The following PARP8 variants were observed in gnomAD, a reference collection of about 807,000 sequenced individuals.
The protein encoded by PARP8 is protein mono-ADP-ribosyltransferase PARP8.
In PARP8, 51 loss-of-function variants were observed where a neutral mutation model predicts 124.1. The ratio of observed to expected loss-of-function variants is 0.41; its 90% confidence interval spans 0.33 to 0.52. The LOEUF (loss-of-function observed/expected upper bound fraction) is 0.52, where lower values mean the gene tolerates loss of function less well. Among genes scored for constraint, PARP8 ranks in the 20% least tolerant of loss-of-function variants. PARP8 has a pLI of 0.21. For missense variants in PARP8, 860 were observed against 1,018.9 expected, an observed-to-expected ratio of 0.84 and a Z score of 2.12; for synonymous variants, 391 against 361.5, an observed-to-expected ratio of 1.08 and a Z score of -0.93.
At chr5:50,731,042 G>A (rs1756928466) in intron 2 of PARP8, among the ~76,000 whole-genome samples, 1 of 152,200 alleles carries the variant, frequency 6.6e-6, no homozygotes, top group Non-Finnish European at 1.5e-5. Context: ...AGCAAAAAAG[G>A]TCAGTGCGAA....
chr5:50,763,827 A>G (rs1760796076), intron 7 of PARP8, among the ~76,000 whole-genome samples: 2 of 152,144 alleles, frequency 1.3e-5, no homozygotes, highest in Admixed American at 1.3e-4. Context: ...TGCCACCATA[A>G]TAGTTTCCAG....
chr5:50,692,478 T>C (rs1752594873), intron 2 of PARP8, among the ~76,000 whole-genome samples: 1 of 152,086 alleles, frequency 6.6e-6, no homozygotes, highest in South Asian at 2.1e-4. Context: ...TTTTATTCTT[T>C]AAAGGCAGAA....
chr5:50,710,605 C>T (rs560726723), intron 2 of PARP8, among the ~76,000 whole-genome samples: 1 of 152,136 alleles, frequency 6.6e-6, no homozygotes, highest in East Asian at 1.9e-4. Context: ...TTACTGGGTC[C>T]TGCTAATTCT....
chr5:50,746,672 T>A lies in PARP8; in HGVS notation c.147-3479T>A, dbSNP rs149949227. ...AAGGTGTTACCTCTGATATATATAT[T>A]TTTTTCTGTTTAAATCTTATTTGGC... On this transcript the variant is annotated intron_variant, in intron 2 of 25. Coordinates refer to ENST00000281631, the MANE Select transcript of PARP8 (RefSeq NM_024615.4). Among the ~76,000 whole-genome samples the A allele has an allele frequency of 8.1e-3, 1,230 of 152,254 alleles. 5 individuals are homozygous for A. The highest frequency in any genetic ancestry group is 0.013 in the Non-Finnish European group (907 of 68,004).
chr5:50,719,775 G>A (rs577995346), intron 2 of PARP8, among the ~76,000 whole-genome samples: 1 of 152,074 alleles, frequency 6.6e-6, no homozygotes, highest in East Asian at 1.9e-4. Context: ...TAGTTTAAAA[G>A]AATAAAGAGA....
intron 2 of PARP8, among the ~76,000 whole-genome samples, chr5:50,678,206 CTAAT>C (rs1327176281): frequency 1.1e-4 from 17 of 152,152 alleles, no homozygotes; most frequent in Non-Finnish European, 5.9e-5. Flanking sequence ...TCCCTGCCTA[CTAAT>C]TTTCAATCAC....
chr5:50,684,997 T>A (rs184289810), intron 2 of PARP8, among the ~76,000 whole-genome samples: 2 of 152,350 alleles, frequency 1.3e-5, no homozygotes, highest in East Asian at 3.9e-4. Context: ...ACTACTTCAC[T>A]GTAAAGCTCC....
chr5:50,794,808 T>C, intron 11 of PARP8, 45 bp from the exon 12 acceptor site: 1 of 1,509,084 alleles, frequency 6.6e-7, no homozygotes, highest in Non-Finnish European at 9.1e-7. Flanking sequence ...CATGGTCTGA[T>C]GTACCTGTGA....
chr5:50,806,964 C>A (rs1435550954), intron 14 of PARP8, among the ~76,000 whole-genome samples: 1 of 151,932 alleles, frequency 6.6e-6, no homozygotes, highest in African/African-American at 2.4e-5. Context: ...AAGTTATAGC[C>A]CACTGGTGAT....
intron 2 of PARP8, among the ~76,000 whole-genome samples, chr5:50,732,425 G>T (rs899957963): frequency 6.6e-6 from 1 of 151,952 alleles, no homozygotes; most frequent in Non-Finnish European, 1.5e-5. Context: ...TGCTAAAAAC[G>T]GTTCAAAGAA....
chr5:50,784,600 T>C (rs1741034145), intron 9 of PARP8, among the ~76,000 whole-genome samples: 1 of 152,144 alleles, frequency 6.6e-6, no homozygotes, highest in Non-Finnish European at 1.5e-5. Flanking sequence ...ACTTCCCAAC[T>C]GCAGTTATAT....
intron 9 of PARP8, among the ~76,000 whole-genome samples, chr5:50,785,795 A>T (rs1741182147): frequency 6.6e-6 from 1 of 152,190 alleles, no homozygotes; most frequent in Non-Finnish European, 1.5e-5. Context: ...TTTGGCTTAC[A>T]ATATAGAGCA....
At chr5:50,768,553 T>C (rs6450391) in intron 7 of PARP8, among the ~76,000 whole-genome samples, 71,453 of 151,972 alleles carry the variant, frequency 0.47, 18,789 homozygotes, top group African/African-American at 0.72. Context: ...TAAAAAAATT[T>C]GAATTCATCA....
At chr5:50,827,319 G>GTGAGATTC (rs1234778729) in intron 19 of PARP8, among the ~76,000 whole-genome samples, 4 of 152,082 alleles carry the variant, frequency 2.6e-5, no homozygotes, top group African/African-American at 9.7e-5. Context: ...ATCTCTAAAT[G>GTGAGATTC]TGAGATTCCT....
At chr5:50,701,235 A>G (rs1461115978) in intron 2 of PARP8, among the ~76,000 whole-genome samples, 2 of 152,122 alleles carry the variant, frequency 1.3e-5, no homozygotes, top group African/African-American at 2.4e-5. Flanking sequence ...CGGGTTTCAT[A>G]TAGTTATTGT....
At chr5:50,788,690 T>G (rs1741596303) in intron 10 of PARP8, 101 bp downstream of exon 10, 2 of 960,384 alleles carry the variant, frequency 2.1e-6, no homozygotes, top group Non-Finnish European at 3.2e-6. Context: ...CAGTAAGAAC[T>G]TTTTGAAGCA....
chr5:50,682,955 A>T (rs1751457936), intron 2 of PARP8, among the ~76,000 whole-genome samples: 1 of 152,058 alleles, frequency 6.6e-6, no homozygotes, highest in African/African-American at 2.4e-5. Context: ...AGGGCAGGAT[A>T]CAATGCTTGA....
At chr5:50,798,552 C>T (rs1249677957) in intron 14 of PARP8, among the ~76,000 whole-genome samples, 1 of 151,838 alleles carries the variant, frequency 6.6e-6, no homozygotes, top group African/African-American at 2.4e-5. Context: ...TCCCTAGTAG[C>T]TGGGACTACA....
intron 9 of PARP8, among the ~76,000 whole-genome samples, chr5:50,784,316 T>G (rs1032892083): frequency 2.0e-5 from 3 of 152,174 alleles, no homozygotes; most frequent in Admixed American, 2.0e-4. Flanking sequence ...ACTTTGAAAC[T>G]AAAGATAAGG....
Sources: gnomAD v4.1 joint callset for allele counts (sites outside exome capture counted in the v4.1 genomes callset) on GRCh38, gnomAD v4.1.1 for gene constraint, MANE v1.5 for transcripts, NCBI Gene and HGNC (gene_info 2026-07-23, HGNC 2026-07-21) for gene names.